The following ST6GALNAC3 variants were observed in gnomAD, a reference collection of about 807,000 sequenced individuals.
The protein encoded by ST6GALNAC3 is alpha-N-acetylgalactosaminide alpha-2,6-sialyltransferase 3.
A neutral mutation model predicts 32.7 loss-of-function variants in ST6GALNAC3; 25 were observed. The ratio of observed to expected loss-of-function variants is 0.76; its 90% CI spans 0.56 to 1.07. The LOEUF (loss-of-function observed/expected upper bound fraction) is 1.07, where lower values mean the gene tolerates loss of function less well. ST6GALNAC3 is among the 50% of genes least tolerant of loss of function. The pLI is 0.00. For missense variants in ST6GALNAC3, 355 were observed against 382.4 expected (o/e 0.93, Z 0.60); for synonymous variants, 129 against 133.1 (o/e 0.97, Z 0.21).
In ST6GALNAC3 at chr1:76,222,161, G is replaced by T. The variant is rs535856960; in HGVS notation, c.19-91644G>T. 6.3e-4 allele frequency among the ~76,000 whole-genome samples: 96 copies of T among 152,234 alleles called. 1 individual carries two copies. In the South Asian group the frequency reaches 0.019, roughly 30 times the overall value. On this transcript the variant is annotated intron_variant, in intron 1 of 4. Coordinates refer to ENST00000328299, the MANE Select transcript of ST6GALNAC3 (RefSeq NM_152996.4). ...AAAATGTGCTTTTGCAATGGGGAAAGGACTCCCTATTTAATAAATAGTGCT... is the reference window on the plus strand; with the variant it reads ...AAAATGTGCTTTTGCAATGGGGAAATGACTCCCTATTTAATAAATAGTGCT...
intron 1 of ST6GALNAC3, among the ~76,000 whole-genome samples, chr1:76,287,853 A>G (rs569031432): frequency 1.3e-5 from 2 of 152,308 alleles, no homozygotes; most frequent in Non-Finnish European, 2.9e-5. Flanking sequence ...AGTGTGCCAC[A>G]TTTAATTTGG....
chr1:76,458,975 T>C (rs1444437436), intron 3 of ST6GALNAC3, among the ~76,000 whole-genome samples: 1 of 152,150 alleles, frequency 6.6e-6, no homozygotes, highest in African/African-American at 2.4e-5. Flanking sequence ...CCATAATTTA[T>C]CTGTTTTAAT....
intron 1 of ST6GALNAC3, among the ~76,000 whole-genome samples, chr1:76,251,055 C>G (rs1657581339): frequency 6.6e-6 from 1 of 152,130 alleles, no homozygotes; most frequent in African/African-American, 2.4e-5. Context: ...ATCCCAGCAG[C>G]ACATCTTTCA....
chr1:76,550,958 C>G (rs918687583), intron 3 of ST6GALNAC3, among the ~76,000 whole-genome samples: 1 of 152,104 alleles, frequency 6.6e-6, no homozygotes, highest in African/African-American at 2.4e-5. Flanking sequence ...CAGGGTTTCA[C>G]CACGTTTGCC....
intron 2 of ST6GALNAC3, among the ~76,000 whole-genome samples, chr1:76,375,785 G>A (rs1651175047): frequency 6.6e-6 from 1 of 152,134 alleles, no homozygotes; most frequent in Non-Finnish European, 1.5e-5. Context: ...AATAAATCAG[G>A]ATTTATTCAT....
At chr1:76,627,426 T>C (rs1557638754) in intron 3 of ST6GALNAC3, 26 bp from the exon 4 acceptor site, 2 of 1,450,918 alleles carry the variant, frequency 1.4e-6, no homozygotes, top group East Asian at 4.5e-5. Flanking sequence ...GTTCTGTTTG[T>C]TATTGTTTGT....
chr1:76,427,669 T>C (rs887705352), intron 3 of ST6GALNAC3, among the ~76,000 whole-genome samples: 1 of 152,114 alleles, frequency 6.6e-6, no homozygotes, highest in Non-Finnish European at 1.5e-5. Context: ...TTTGAACTTT[T>C]GGGCTTAAAT....
intron 3 of ST6GALNAC3, among the ~76,000 whole-genome samples, chr1:76,589,786 G>A (rs978272649): frequency 1.3e-5 from 2 of 151,418 alleles, no homozygotes; most frequent in African/African-American, 4.9e-5. Flanking sequence ...CAGATGAACT[G>A]GGCATTCAGA....
intron 1 of ST6GALNAC3, among the ~76,000 whole-genome samples, chr1:76,106,757 CCAGGACA>C (rs1487520594): frequency 6.6e-6 from 1 of 152,016 alleles, no homozygotes; most frequent in Non-Finnish European, 1.5e-5. Context: ...AACTAAAAAC[CCAGGACA>C]CAGAACAATT....
At chr1:76,210,525 A>G (rs1486384305) in intron 1 of ST6GALNAC3, among the ~76,000 whole-genome samples, 2 of 152,148 alleles carry the variant, frequency 1.3e-5, no homozygotes, top group African/African-American at 2.4e-5. Context: ...CCACCCTTAT[A>G]TTAATCTGGT....
Position 76,631,024 on chromosome 1 carries a change from C to G in ST6GALNAC3, c.*2218C>G, listed in dbSNP as rs1355415239. 19 of 985,456 alleles carry G rather than the reference C, an allele frequency of 1.9e-5. No individual in the cohort carries two copies. The highest frequency in any genetic ancestry group is 2.3e-5 in the Non-Finnish European group (19 of 829,856). The allele number at this position is 985,456 out of a possible 1,614,324, so 61.0% of individuals were successfully genotyped here. On this transcript the variant is annotated 3_prime_UTR_variant, in exon 5 of 5. Coordinates refer to ENST00000328299, the MANE Select transcript of ST6GALNAC3 (RefSeq NM_152996.4). ...GGCCAACTCTTATTTGTTCTAGCCC[C>G]TACTGATGAGAAACATTTGAAAACT...
intron 3 of ST6GALNAC3, among the ~76,000 whole-genome samples, chr1:76,498,183 G>A (rs1660971140): frequency 6.6e-6 from 1 of 152,162 alleles, no homozygotes; most frequent in South Asian, 2.1e-4. Flanking sequence ...TGCACCTGGT[G>A]GCCAAGTCAG....
chr1:76,604,472 A>G (rs1028210101), intron 3 of ST6GALNAC3, among the ~76,000 whole-genome samples: 1 of 152,180 alleles, frequency 6.6e-6, no homozygotes, highest in African/African-American at 2.4e-5. Flanking sequence ...CCTGCCTCAA[A>G]TGACATCTCT....
At chr1:76,089,607 A>G (rs941529454) in intron 1 of ST6GALNAC3, among the ~76,000 whole-genome samples, 4 of 152,258 alleles carry the variant, frequency 2.6e-5, no homozygotes, top group Admixed American at 1.3e-4. Context: ...TTAGTTGTAC[A>G]GGTTGTTAAA....
intron 1 of ST6GALNAC3, among the ~76,000 whole-genome samples, chr1:76,226,630 A>G (rs1438070840): frequency 6.6e-6 from 1 of 152,174 alleles, no homozygotes; most frequent in Non-Finnish European, 1.5e-5. Context: ...GGAAACTTCA[A>G]ATCATGTTGG....
At chr1:76,582,419 G>A (rs899583924) in intron 3 of ST6GALNAC3, among the ~76,000 whole-genome samples, 6 of 152,050 alleles carry the variant, frequency 3.9e-5, no homozygotes, top group Admixed American at 3.9e-4. Context: ...TCATGACCCA[G>A]CCTTGGAAAT....
At chr1:76,326,829 T>TG (rs1424422445) in intron 2 of ST6GALNAC3, among the ~76,000 whole-genome samples, 2 of 148,584 alleles carry the variant, frequency 1.3e-5, no homozygotes, top group Admixed American at 6.7e-5. Flanking sequence ...GTTTTGGGTT[T>TG]TTTTTTTTTT....
At chr1:76,342,539 C>A (rs867194640) in intron 2 of ST6GALNAC3, among the ~76,000 whole-genome samples, 1 of 151,766 alleles carries the variant, frequency 6.6e-6, no homozygotes, top group Non-Finnish European at 1.5e-5. Flanking sequence ...ATATCCTTTG[C>A]CCACTTTTTG....
intron 1 of ST6GALNAC3, among the ~76,000 whole-genome samples, chr1:76,093,969 G>GTTGC (rs1427943888): frequency 1.3e-5 from 2 of 152,198 alleles, no homozygotes; most frequent in African/African-American, 4.8e-5. Context: ...GCATTCATAA[G>GTTGC]TTGTTTGTTT....
Sources: allele counts gnomAD v4.1 joint callset (sites outside exome capture counted in the v4.1 genomes callset), GRCh38; gene constraint gnomAD v4.1.1; transcripts MANE v1.5; gene names NCBI Gene and HGNC (gene_info 2026-07-23, HGNC 2026-07-21).